Variants in DOCK2 observed in about 807,000 individuals in gnomAD.
DOCK2 encodes dedicator of cytokinesis protein 2.
Under a neutral mutation model 248.9 loss-of-function variants are expected in DOCK2, and 87 were observed. The ratio of observed to expected loss-of-function variants is 0.35; its 90% CI spans 0.29 to 0.42. The LOEUF (loss-of-function observed/expected upper bound fraction) is 0.42. Ranked by LOEUF, DOCK2 falls within the 10% of genes least tolerant of loss-of-function variation. The probability of loss-of-function intolerance (pLI) is 1.00; values close to 1 mark genes in which losing one functional copy is unlikely to be tolerated. For missense variants in DOCK2, 1,747 were observed against 2,300.2 expected, an observed-to-expected ratio of 0.76 and a Z score of 4.92; for synonymous variants, 805 against 821.6, an observed-to-expected ratio of 0.98 and a Z score of 0.35.
At chr5:170,011,680 T>C (rs552717280) in intron 32 of DOCK2, among the ~76,000 whole-genome samples, 6 of 152,258 alleles carry the variant, frequency 3.9e-5, no homozygotes, top group Admixed American at 3.9e-4. Context: ...GTCTGTCCCA[T>C]GAGAATCAGC....
Position 169,717,857 on chromosome 5 carries a change from T to C in DOCK2, c.2132+373T>C, listed in dbSNP as rs1487620929. 2.0e-5 allele frequency among the ~76,000 whole-genome samples: 3 copies of C among 151,808 alleles called. No individual in the cohort carries two copies. In the South Asian group the frequency reaches 6.2e-4, roughly 32 times the overall value. On this transcript the variant is annotated intron_variant, in intron 21 of 51. Transcript: ENST00000520908. ...TAGGTGGATCACCTGAGGTCAGGAG[T>C]TGGAGACCAGCCTGGCCAACATGGT... is the stretch of plus-strand genomic sequence containing the variant.
At chr5:169,866,276 C>T (rs2113432459) in intron 27 of DOCK2, among the ~76,000 whole-genome samples, 2 of 152,288 alleles carry the variant, frequency 1.3e-5, no homozygotes, top group South Asian at 4.1e-4. Context: ...GGCTGGATGA[C>T]CTATAGGCCA....
intron 22 of DOCK2, among the ~76,000 whole-genome samples, chr5:169,733,119 C>T (rs1341484004): frequency 6.6e-6 from 1 of 152,002 alleles, no homozygotes; most frequent in African/African-American, 2.4e-5. Flanking sequence ...TCCTCCACAC[C>T]ACCCCCTGAT....
rs370519437 is a variant in DOCK2 at position 169,845,324 on chromosome 5, T to C, written c.2799+4472T>C. Among the ~76,000 whole-genome samples, 53 of 152,154 alleles carry C rather than the reference T, an allele frequency of 3.5e-4. No individual in the cohort carries two copies. The South Asian group carries it at 1.0e-2, about 29-fold the overall frequency. ...TTGCCCTGTGTTCTCCGAGGCCCTGTGCATACTTAGGTCACTGTGCCCATT... is the reference window on the plus strand; with the variant it reads ...TTGCCCTGTGTTCTCCGAGGCCCTGCGCATACTTAGGTCACTGTGCCCATT... On this transcript the variant is annotated intron_variant, in intron 27 of 51. Coordinates refer to ENST00000520908, the MANE Select transcript of DOCK2 (RefSeq NM_004946.3).
Position 169,764,409 on chromosome 5 carries a change from C to G in DOCK2, c.2554+2784C>G, listed in dbSNP as rs563697625. ...TGGTTAAGGACGGTGGTTCTTGGGTCACACTAGACCCGAGTTTACTTCCTG... is the reference window on the plus strand; with the variant it reads ...TGGTTAAGGACGGTGGTTCTTGGGTGACACTAGACCCGAGTTTACTTCCTG... On this transcript the variant is annotated intron_variant, in intron 25 of 51. Coordinates refer to ENST00000520908, the MANE Select transcript of DOCK2 (RefSeq NM_004946.3). The surrounding 1 kb of genome is among the most constrained non-coding windows in gnomAD (Gnocchi z 4.3). Among the ~76,000 whole-genome samples, 266 of 152,250 alleles carry G rather than the reference C, an allele frequency of 1.7e-3. 1 individual carries two copies. The highest frequency in any genetic ancestry group is 1.2e-3 in the Non-Finnish European group (85 of 68,024).
intron 27 of DOCK2, among the ~76,000 whole-genome samples, chr5:169,936,002 T>A (rs893487062): frequency 1.3e-5 from 2 of 152,148 alleles, no homozygotes; most frequent in Non-Finnish European, 2.9e-5. Flanking sequence ...ACATAAATTT[T>A]TTCTTGGGGA....
chr5:170,047,472 A>T (rs1315053251), intron 39 of DOCK2, 38 bp from the exon 40 acceptor site: 1 of 1,588,478 alleles, frequency 6.3e-7, no homozygotes, highest in South Asian at 1.1e-5. Flanking sequence ...CCTTTGATAC[A>T]CATCTGTGTT....
At chr5:169,880,403 C>T (rs1450162229) in intron 27 of DOCK2, among the ~76,000 whole-genome samples, 3 of 152,178 alleles carry the variant, frequency 2.0e-5, no homozygotes, top group Non-Finnish European at 4.4e-5. Context: ...ATAGGCAACC[C>T]AATTAGGCTC....
intron 8 of DOCK2, among the ~76,000 whole-genome samples, chr5:169,685,467 G>C (rs1292323852): frequency 6.6e-6 from 1 of 152,120 alleles, no homozygotes; most frequent in Non-Finnish European, 1.5e-5. Flanking sequence ...CCAAGACATG[G>C]TCTCATATTT....
chr5:169,963,760 A>G (rs1777186455), intron 27 of DOCK2, among the ~76,000 whole-genome samples: 1 of 151,858 alleles, frequency 6.6e-6, no homozygotes, highest in Non-Finnish European at 1.5e-5. Context: ...TCCCCCTAGC[A>G]TCATTCACTC....
chr5:169,829,892 A>G (rs1406966360), intron 26 of DOCK2, among the ~76,000 whole-genome samples: 1 of 152,190 alleles, frequency 6.6e-6, no homozygotes, highest in Non-Finnish European at 1.5e-5. Flanking sequence ...ATAATTTAAG[A>G]TCTAAAAGCA....
intron 34 of DOCK2, among the ~76,000 whole-genome samples, chr5:170,034,025 A>G (rs1379767076): frequency 2.0e-5 from 3 of 152,214 alleles, no homozygotes. Flanking sequence ...ATATTTCTGT[A>G]GAACAGATTC....
At chr5:169,971,428 CTT>C (rs34124700) in intron 27 of DOCK2, among the ~76,000 whole-genome samples, 27,360 of 135,098 alleles carry the variant, frequency 0.2, 4,976 homozygotes, top group African/African-American at 0.49. Flanking sequence ...CTCCTAGAGC[CTT>C]TTTTTTTTTT....
At chr5:170,017,958 G>A (rs1042483258) in intron 32 of DOCK2, among the ~76,000 whole-genome samples, 2 of 152,182 alleles carry the variant, frequency 1.3e-5, no homozygotes, top group African/African-American at 4.8e-5. Context: ...AGGGAATGTA[G>A]GAGCTGGAAA....
intron 27 of DOCK2, among the ~76,000 whole-genome samples, chr5:169,917,776 A>G (rs1383087673): frequency 6.6e-6 from 1 of 152,208 alleles, no homozygotes; most frequent in Non-Finnish European, 1.5e-5. Context: ...TTCTGGCCCT[A>G]CCACACAGAA....
At chr5:170,037,997 G>A (rs1176074918) in intron 36 of DOCK2, among the ~76,000 whole-genome samples, 1 of 152,180 alleles carries the variant, frequency 6.6e-6, no homozygotes, top group Non-Finnish European at 1.5e-5. Flanking sequence ...AGAAATAGGA[G>A]CTATCATTTG....
intron 26 of DOCK2, among the ~76,000 whole-genome samples, chr5:169,815,221 T>C (rs1767991614): frequency 6.6e-6 from 1 of 152,158 alleles, no homozygotes; most frequent in African/African-American, 2.4e-5. Flanking sequence ...TGCTTAGGGA[T>C]GGTCTTTGGG....
At chr5:169,742,591 C>A (rs965490001) in intron 22 of DOCK2, among the ~76,000 whole-genome samples, 97 of 152,306 alleles carry the variant, frequency 6.4e-4, no homozygotes, top group African/African-American at 2.2e-3. Flanking sequence ...TCTCCCTCCA[C>A]CCCTGATTCT....
In DOCK2 at chr5:170,019,117, T is replaced by A. The variant is rs1281377449; in HGVS notation, c.3381+9T>A. 6 of 1,613,906 alleles carry A rather than the reference T, an allele frequency of 3.7e-6. No individual in the cohort carries two copies. In the South Asian group the frequency reaches 5.5e-5, roughly 15 times the overall value. ...GTGGGGATTTCAAAAAGGTAAAAAA[T>A]GAGGCCGGAAACTCATGCCAGCATG... On this transcript the variant is annotated intron_variant, in intron 33 of 51. Transcript: ENST00000520908.
Sources: allele counts gnomAD v4.1 joint callset (sites outside exome capture counted in the v4.1 genomes callset), GRCh38; gene constraint gnomAD v4.1.1; non-coding constraint Gnocchi (gnomAD v3.1); transcripts MANE v1.5; gene names NCBI Gene and HGNC (gene_info 2026-07-23, HGNC 2026-07-21).